The following SLC36A1 variants were observed in gnomAD, a reference collection of about 807,000 sequenced individuals.
SLC36A1 encodes solute carrier family 36 member 1.
A neutral mutation model predicts 47.5 loss-of-function variants in SLC36A1; 30 were observed. The ratio of observed to expected loss-of-function variants is 0.63; its 90% CI spans 0.47 to 0.86. The LOEUF (loss-of-function observed/expected upper bound fraction) is 0.86, where lower values mean the gene tolerates loss of function less well. Among genes scored for constraint, SLC36A1 ranks in the 40% least tolerant of loss-of-function variants. The probability of loss-of-function intolerance (pLI) is 0.00; values close to 1 mark genes in which losing one functional copy is unlikely to be tolerated. For synonymous variants in SLC36A1, 255 were observed against 249.7 expected (o/e 1.02, Z -0.20); for missense variants, 517 against 606.0 (o/e 0.85, Z 1.54).
chr5:151,534,978 T>C, the SLC36A1 span, among the ~76,000 whole-genome samples: 3 of 138,772 alleles, frequency 2.2e-5, no homozygotes, highest in Non-Finnish European at 4.8e-5. Context: ...AAAATATATA[T>C]ATATATATAT....
At chr5:151,393,348 C>G in the SLC36A1 span, among the ~76,000 whole-genome samples, 5 of 152,286 alleles carry the variant, frequency 3.3e-5, no homozygotes, top group South Asian at 1.0e-3. Flanking sequence ...GGTCTTGACT[C>G]TTTATCCAAT....
At chr5:151,520,188 G>GCAGGT in the SLC36A1 span, among the ~76,000 whole-genome samples, 3 of 152,240 alleles carry the variant, frequency 2.0e-5, no homozygotes, top group Non-Finnish European at 4.4e-5. Flanking sequence ...CCCATAAAGG[G>GCAGGT]CAGGTCAGGC....
At chr5:151,381,022 G>C in the SLC36A1 span, 1 of 400,706 alleles carries the variant, frequency 2.5e-6, no homozygotes, top group Non-Finnish European at 5.0e-6. Flanking sequence ...ATGCTCTCTT[G>C]TTGAAGAGGC....
At chr5:151,432,949 C>T (rs1324937320), upstream of SLC36A1, among the ~76,000 whole-genome samples, 1 of 151,828 alleles carries the variant, frequency 6.6e-6, no homozygotes, top group African/African-American at 2.4e-5. Flanking sequence ...CTTATGAAAT[C>T]CTAAGCAGAG....
the SLC36A1 span, chr5:151,505,753 G>T: frequency 1.1e-5 from 17 of 1,613,642 alleles, no homozygotes; most frequent in South Asian, 7.7e-5. Flanking sequence ...GCCAGGCAGG[G>T]CCCTCCCCCT....
At chr5:151,388,718 C>T in the SLC36A1 span, among the ~76,000 whole-genome samples, 30,075 of 151,804 alleles carry the variant, frequency 0.2, 3,278 homozygotes, top group East Asian at 0.41. Flanking sequence ...TAATTGAATT[C>T]ACGTGAGATC....
the SLC36A1 span, chr5:151,412,694 A>G: frequency 1.4e-5 from 2 of 144,220 alleles, 1 homozygote; most frequent in African/African-American, 5.0e-5. Context: ...GGGTGTGGGA[A>G]TCGCCACGCC....
the SLC36A1 span, among the ~76,000 whole-genome samples, chr5:151,366,012 C>T: frequency 6.6e-6 from 1 of 152,170 alleles, no homozygotes; most frequent in Non-Finnish European, 1.5e-5. Flanking sequence ...CTCTTCTGGT[C>T]ATCATAGGAG....
chr5:151,512,191 C>T, the SLC36A1 span: 1 of 1,614,010 alleles, frequency 6.2e-7, no homozygotes, highest in South Asian at 1.1e-5. This position sits in a 1 kb window ranked among gnomAD's most constrained non-coding sequence, Gnocchi z 4.1. Context: ...TGAGCACTTC[C>T]CACCATTGAG....
At chr5:151,351,526 A>C in the SLC36A1 span, among the ~76,000 whole-genome samples, 2 of 152,196 alleles carry the variant, frequency 1.3e-5, no homozygotes, top group African/African-American at 4.8e-5. Context: ...CAGTGGCATC[A>C]GCAAGTGGCT....
chr5:151,551,845 ATAAGAATCCAAATG>A, the SLC36A1 span, among the ~76,000 whole-genome samples: 1 of 152,214 alleles, frequency 6.6e-6, no homozygotes, highest in Admixed American at 6.5e-5. Flanking sequence ...TTAATAAACT[ATAAGAATCCAAATG>A]TAACAACATA....
chr5:151,540,860 T>C, the SLC36A1 span: 1 of 1,143,718 alleles, frequency 8.7e-7, no homozygotes, highest in Non-Finnish European at 1.2e-6. Context: ...TTTTTAGAAT[T>C]GTTGGGAAAG....
chr5:151,399,204 A>G, the SLC36A1 span, among the ~76,000 whole-genome samples: 1 of 150,106 alleles, frequency 6.7e-6, no homozygotes, highest in East Asian at 2.0e-4. Flanking sequence ...CTCTTGCCTC[A>G]GCCTACTAAG....
At chr5:151,459,141 G>T (rs374264479) in intron 2 of SLC36A1, among the ~76,000 whole-genome samples, 8 of 152,160 alleles carry the variant, frequency 5.3e-5, no homozygotes, top group African/African-American at 7.2e-5. Flanking sequence ...CCTTTCAGCT[G>T]TGTTGGCCCC....
chr5:151,403,474 C>T, the SLC36A1 span, among the ~76,000 whole-genome samples: 1 of 152,104 alleles, frequency 6.6e-6, no homozygotes, highest in African/African-American at 2.4e-5. Context: ...GGCACCTCCC[C>T]CTGCTCCCAG....
chr5:151,499,077 G>A, the SLC36A1 span, among the ~76,000 whole-genome samples: 2 of 152,326 alleles, frequency 1.3e-5, no homozygotes, highest in East Asian at 3.9e-4. Flanking sequence ...CTTCTGTAGT[G>A]AATAGTGCCC....
At chr5:151,517,332 G>C in the SLC36A1 span, among the ~76,000 whole-genome samples, 11 of 152,202 alleles carry the variant, frequency 7.2e-5, no homozygotes, top group Non-Finnish European at 1.6e-4. Context: ...CAGCAAAAAT[G>C]ATAACGGCAC....
chr5:151,439,440 G>A (rs1190022279), intron 1 of SLC36A1, among the ~76,000 whole-genome samples: 2 of 152,078 alleles, frequency 1.3e-5, no homozygotes, highest in Non-Finnish European at 2.9e-5. Context: ...AGATCATGAT[G>A]TCAGGAGATC....
chr5:151,532,900 G>T, the SLC36A1 span, among the ~76,000 whole-genome samples: 1 of 152,184 alleles, frequency 6.6e-6, no homozygotes, highest in African/African-American at 2.4e-5. Context: ...CCTCTGAGAA[G>T]AGTTGAATTT....
Sources: allele counts gnomAD v4.1 joint callset (sites outside exome capture counted in the v4.1 genomes callset), GRCh38; gene constraint gnomAD v4.1.1; non-coding constraint Gnocchi (gnomAD v3.1); transcripts MANE v1.5; gene names NCBI Gene and HGNC (gene_info 2026-07-23, HGNC 2026-07-21).